Variants in PTPN3 observed in about 807,000 individuals in gnomAD.
The protein encoded by PTPN3 is protein tyrosine phosphatase non-receptor type 3.
PTPN3 carries 96 observed loss-of-function variants against 132.7 expected under a neutral mutation model. That is an observed-to-expected ratio of 0.72 (90% CI 0.61 to 0.86). PTPN3 has a LOEUF of 0.86. Among genes scored for constraint, PTPN3 ranks in the 40% least tolerant of loss-of-function variants. The pLI is 0.00. For synonymous variants in PTPN3, 398 were observed against 429.0 expected, an observed-to-expected ratio of 0.93 and a Z score of 0.89; for missense variants, 1,125 against 1,159.6, an observed-to-expected ratio of 0.97 and a Z score of 0.43.
At chr9:109,445,796 T>C (rs1844815736) in intron 6 of PTPN3, among the ~76,000 whole-genome samples, 1 of 152,236 alleles carries the variant, frequency 6.6e-6, no homozygotes, top group South Asian at 2.1e-4. Flanking sequence ...TTTTCAATTT[T>C]AAAACCTGCA....
At chr9:109,528,749 CTGTG>C in the PTPN3 span, among the ~76,000 whole-genome samples, 9 of 152,008 alleles carry the variant, frequency 5.9e-5, no homozygotes, top group East Asian at 1.9e-4. Context: ...ATTCAAATCT[CTGTG>C]TGTGTGTAAC....
intron 1 of PTPN3, among the ~76,000 whole-genome samples, chr9:109,463,769 T>C (rs1845964616): frequency 6.6e-6 from 1 of 152,356 alleles, no homozygotes; most frequent in East Asian, 1.9e-4. Flanking sequence ...GTATTTGTGT[T>C]CTACCTCTAA....
intron 5 of PTPN3, chr9:109,449,112 G>A (rs10979870): frequency 0.31 from 394,731 of 1,293,774 alleles, 62,388 homozygotes; most frequent in South Asian, 0.4. Flanking sequence ...ATGAAGAGCT[G>A]AGCAGGGATG....
chr9:109,480,149 T>C (rs1846891616), intron 1 of PTPN3, among the ~76,000 whole-genome samples: 1 of 152,170 alleles, frequency 6.6e-6, no homozygotes. Flanking sequence ...TCAAGTCTTC[T>C]GCCCATTTTT....
chr9:109,379,748 G>A, intron 25 of PTPN3, 115 bp from the exon 26 acceptor site: 1 of 871,368 alleles, frequency 1.1e-6, no homozygotes, highest in Non-Finnish European at 1.9e-6. Flanking sequence ...CGCCAACTCT[G>A]GGCCACAGGC....
intron 21 of PTPN3, among the ~76,000 whole-genome samples, chr9:109,389,632 G>T (rs1473353493): frequency 6.6e-6 from 1 of 152,212 alleles, no homozygotes; most frequent in Non-Finnish European, 1.5e-5. Context: ...ATCTATCTGT[G>T]AGATGGCAGA....
chr9:109,386,955 G>C (rs1237660969), intron 22 of PTPN3, among the ~76,000 whole-genome samples: 1 of 152,186 alleles, frequency 6.6e-6, no homozygotes, highest in Non-Finnish European at 1.5e-5. Context: ...GAAGGTGAGG[G>C]TTTGGGGGAC....
intron 1 of PTPN3, among the ~76,000 whole-genome samples, chr9:109,495,907 T>C (rs1159989019): frequency 6.6e-6 from 1 of 152,208 alleles, no homozygotes; most frequent in Non-Finnish European, 1.5e-5. Flanking sequence ...CCACCACCTG[T>C]CTGGCCTGAC....
chr9:109,380,598 T>C (rs1243053902), intron 25 of PTPN3, among the ~76,000 whole-genome samples: 1 of 152,212 alleles, frequency 6.6e-6, no homozygotes, highest in Non-Finnish European at 1.5e-5. Context: ...TTTTTTCTTT[T>C]TAACCAGCCA....
intron 21 of PTPN3, among the ~76,000 whole-genome samples, chr9:109,390,729 T>C (rs1268695241): frequency 6.6e-6 from 1 of 152,192 alleles, no homozygotes; most frequent in Non-Finnish European, 1.5e-5. Flanking sequence ...TTTTTCTTTT[T>C]GGCTTATATG....
intron 1 of PTPN3, among the ~76,000 whole-genome samples, chr9:109,471,795 C>G (rs889374655): frequency 6.6e-6 from 1 of 152,014 alleles, no homozygotes; most frequent in Admixed American, 6.6e-5. Flanking sequence ...TGTATACCAA[C>G]GCACCCAGCT....
the PTPN3 span, among the ~76,000 whole-genome samples, chr9:109,534,864 G>A: frequency 2.6e-5 from 4 of 152,158 alleles, no homozygotes; most frequent in Non-Finnish European, 4.4e-5. Context: ...TTTTGGACAT[G>A]CTAAAGTGAC....
chr9:109,478,401 C>T (rs1309809609), intron 1 of PTPN3, among the ~76,000 whole-genome samples: 3 of 152,188 alleles, frequency 2.0e-5, no homozygotes, highest in Non-Finnish European at 4.4e-5. Context: ...GATATTCCAC[C>T]ACGTGGGTGT....
chr9:109,515,944 A>G, the PTPN3 span, among the ~76,000 whole-genome samples: 1 of 152,196 alleles, frequency 6.6e-6, no homozygotes, highest in African/African-American at 2.4e-5. Context: ...TCCAAACTGT[A>G]TCACTAATGA....
intron 13 of PTPN3, 70 bp from the exon 14 acceptor site, chr9:109,420,670 G>C: frequency 6.8e-7 from 1 of 1,465,396 alleles, no homozygotes. Flanking sequence ...TTAGACACCA[G>C]TGAACCTCGT....
chr9:109,533,427 T>G, the PTPN3 span: 173 of 1,273,914 alleles, frequency 1.4e-4, no homozygotes, highest in Middle Eastern at 2.6e-4. Flanking sequence ...ATTACAGGCA[T>G]GAGCCACCGC....
chr9:109,526,617 G>A, the PTPN3 span, among the ~76,000 whole-genome samples: 1 of 152,292 alleles, frequency 6.6e-6, no homozygotes, highest in East Asian at 1.9e-4. Flanking sequence ...TGAGGCTGCA[G>A]TGGGCTGCGT....
intron 7 of PTPN3, among the ~76,000 whole-genome samples, chr9:109,438,997 C>T (rs1329404366): frequency 6.6e-6 from 1 of 152,198 alleles, no homozygotes; most frequent in Non-Finnish European, 1.5e-5. Context: ...AGACTAGCCC[C>T]TGGGCAAAAT....
chr9:109,409,570 T>A (rs778096421), intron 16 of PTPN3, among the ~76,000 whole-genome samples: 2 of 152,140 alleles, frequency 1.3e-5, no homozygotes, highest in Non-Finnish European at 2.9e-5. Flanking sequence ...TTCACGCCTG[T>A]AATCCCGGCA....
Sources: allele counts gnomAD v4.1 joint callset (sites outside exome capture counted in the v4.1 genomes callset), GRCh38; gene constraint gnomAD v4.1.1; transcripts MANE v1.5; gene names NCBI Gene and HGNC (gene_info 2026-07-23, HGNC 2026-07-21).